ASB17: variants seen among roughly 807,000 people sequenced by gnomAD.
ASB17 encodes ankyrin repeat and SOCS box containing 17.
A neutral mutation model predicts 25.7 loss-of-function variants in ASB17; 26 were observed. The observed-to-expected ratio is 1.01, with a 90% CI of 0.74 to 1.40. ASB17 has a LOEUF of 1.40. Among genes scored for constraint, ASB17 ranks in the 40% most tolerant of loss-of-function variants. ASB17 has a pLI of 0.00. For missense variants in ASB17, 326 were observed against 338.5 expected (o/e 0.96, Z 0.29); for synonymous variants, 128 against 121.4 (o/e 1.05, Z -0.36).
chr1:75,928,710 A>G (rs1285044261), intron 1 of ASB17, among the ~76,000 whole-genome samples: 1 of 152,214 alleles, frequency 6.6e-6, no homozygotes, highest in Non-Finnish European at 1.5e-5. Context: ...GGAGAAATGC[A>G]AGACTTCAGT....
At chr1:75,930,352 A>G (rs1228052654) in intron 1 of ASB17, among the ~76,000 whole-genome samples, 1 of 143,484 alleles carries the variant, frequency 7.0e-6, no homozygotes, top group Non-Finnish European at 1.5e-5. Flanking sequence ...ATATGTAAAT[A>G]TAAATATAAA....
rs1653324293 is a variant in ASB17 at position 75,931,664 on chromosome 1, G to GTGCTTACATGT, written c.401+226_401+227insACATGTAAGCA. Among the ~76,000 whole-genome samples the GTGCTTACATGT allele has an allele frequency of 2.0e-5, 3 of 152,148 alleles. No homozygotes were observed. The East Asian group carries it at 5.8e-4, about 29-fold the overall frequency. ...TGTTTAGCACTAACATGTAAGCTGT[G>GTGCTTACATGT]TAGAGCAGAATCACTAATGATTTAT... On this transcript the variant is annotated intron_variant, in intron 1 of 2. Transcript: ENST00000284142.
At chr1:75,924,493 ACT>A (rs35518488) in intron 1 of ASB17, among the ~76,000 whole-genome samples, 67,789 of 151,540 alleles carry the variant, frequency 0.45, 16,510 homozygotes, top group East Asian at 0.96. Flanking sequence ...TTTTGTCATA[ACT>A]CTGTCACTGG....
chr1:75,929,318 G>C (rs1457273050), intron 1 of ASB17, among the ~76,000 whole-genome samples: 1 of 151,680 alleles, frequency 6.6e-6, no homozygotes, highest in Non-Finnish European at 1.5e-5. Context: ...TCTGCCTTCC[G>C]GGTTCACGCC....
At position 75,922,202 on chromosome 1, in the gene ASB17, G is replaced by C; in HGVS notation, c.559C>G (p.Leu187Val). The change falls in exon 2 of 3, where the codon CTC becomes GTC. Residue 187 changes from leucine (L) to valine (V), a missense_variant. Physicochemically the swap from Leu to Val is conservative, Grantham distance 32. Coordinates refer to ENST00000284142, the MANE Select transcript of ASB17 (RefSeq NM_080868.3). ...ATTACTCTTACTCTCGAAGGGTAGA[G>C]TACTATTGTTAAGACAATGTTGATA... ...NPINIVLTIVLYPSRVRVMVD... is the reference protein window; with the variant it reads ...NPINIVLTIVVYPSRVRVMVD... The C allele has an allele frequency of 6.2e-7, 1 of 1,613,874 alleles. No individual in the cohort carries two copies. The highest frequency in any genetic ancestry group is 8.5e-7 in the Non-Finnish European group (1 of 1,179,864).
At position 75,922,202 on chromosome 1, in the gene ASB17, G is replaced by A. The variant is rs1441697891; in HGVS notation, c.559C>T (p.Leu187Phe). ...NPINIVLTIV[L>F]YPSRVRVMVD... ...ATTACTCTTACTCTCGAAGGGTAGAGTACTATTGTTAAGACAATGTTGATA... is the reference window on the plus strand; with the variant it reads ...ATTACTCTTACTCTCGAAGGGTAGAATACTATTGTTAAGACAATGTTGATA... Residue 187 changes from leucine (L) to phenylalanine (F), a missense_variant, in exon 2 of 3, where the codon CTC becomes TTC. Coordinates refer to ENST00000284142, the MANE Select transcript of ASB17 (RefSeq NM_080868.3). The A allele has an allele frequency of 3.1e-6, 5 of 1,613,874 alleles. No individual in the cohort carries two copies. Among genetic ancestry groups the A allele is most frequent in the Non-Finnish European group, 4.2e-6 (5 of 1,179,864 alleles).
At chr1:75,924,786 T>C (rs539711990) in intron 1 of ASB17, among the ~76,000 whole-genome samples, 3 of 152,032 alleles carry the variant, frequency 2.0e-5, no homozygotes, top group Non-Finnish European at 4.4e-5. Flanking sequence ...TTTCTTTACT[T>C]TGTATATGTT....
chr1:75,928,927 T>C (rs1235288667), intron 1 of ASB17, among the ~76,000 whole-genome samples: 2 of 152,176 alleles, frequency 1.3e-5, no homozygotes, highest in East Asian at 1.9e-4. Context: ...AGTAAACTAC[T>C]GTAATGACTG....
At chr1:75,919,310 A>G in intron 2 of ASB17, 152 bp from the exon 3 acceptor site, 1 of 606,244 alleles carries the variant, frequency 1.6e-6, no homozygotes, top group Non-Finnish European at 2.7e-6. Context: ...TACTTGAGGC[A>G]AGTATTTTAT....
At chr1:75,919,325 AT>A (rs894463376) in intron 2 of ASB17, among the ~76,000 whole-genome samples, 167 bp from the exon 3 acceptor site, 5 of 151,698 alleles carry the variant, frequency 3.3e-5, no homozygotes, top group African/African-American at 9.7e-5. Context: ...TTTTATTCCC[AT>A]TTTTTTCCAC....
intron 2 of ASB17, among the ~76,000 whole-genome samples, chr1:75,920,561 A>T (rs944199613): frequency 2.6e-5 from 4 of 152,222 alleles, no homozygotes; most frequent in Admixed American, 6.5e-5. Flanking sequence ...ATGTGCTGCG[A>T]TAGGGAAAAC....
chr1:75,918,890 T>G lies in ASB17; in HGVS notation c.*62A>C. 1.5e-6 allele frequency: 2 copies of G among 1,351,382 alleles called. No homozygotes were observed. The allele number at this position is 1,351,382 out of a possible 1,614,324, so 83.7% of individuals were successfully genotyped here. A position where few individuals can be genotyped will look rare whatever the true frequency, so the allele number is the denominator to read the frequency against. On this transcript the variant is annotated 3_prime_UTR_variant, in exon 3 of 3. Transcript: ENST00000284142. ...ATAAAAACTTACATGAAGTGAATTT[T>G]TATTAACTTCTAAGCCATACATTGG...
At chr1:75,919,788 G>T (rs536520403) in intron 2 of ASB17, among the ~76,000 whole-genome samples, 7,982 of 152,064 alleles carry the variant, frequency 0.052, 359 homozygotes, top group African/African-American at 0.12. Context: ...GTCTATCATT[G>T]TTGGACATTT....
Position 75,932,009 on chromosome 1 carries a change from T to C in ASB17, c.283A>G (p.Asn95Asp). 6.2e-7 allele frequency: 1 copy of C among 1,614,162 alleles called. No homozygotes were observed. The highest frequency in any genetic ancestry group is 1.3e-5 in the African/African-American group (1 of 75,056). Reference sequence around the variant, plus strand: ...GCAAAAACCCAGTACAGAATTGTATTCACACATATTTCAGTGAAGTCGAGG... The same window carrying C: ...GCAAAAACCCAGTACAGAATTGTATCCACACATATTTCAGTGAAGTCGAGG... Reference protein sequence around the residue: ...FNLDFTEICVNTILYWVFARK... With the variant: ...FNLDFTEICVDTILYWVFARK... The change falls in exon 1 of 3, where the codon AAT becomes GAT. Residue 95 changes from asparagine to aspartate, a missense_variant. Transcript: ENST00000284142.
At chr1:75,919,757 G>A (rs1031024714) in intron 2 of ASB17, among the ~76,000 whole-genome samples, 10 of 152,126 alleles carry the variant, frequency 6.6e-5, no homozygotes, top group Non-Finnish European at 1.3e-4. Context: ...TGGTGTATAT[G>A]TGCCACATTT....
rs1052288510 is a variant in ASB17, at chr1:75,922,360, C to G, written c.402-1G>C. On this transcript the variant is annotated splice_acceptor_variant, in intron 1 of 2. Transcript: ENST00000284142. LOFTEE classifies it high-confidence loss of function. Reference sequence around the variant, plus strand: ...TGGACAGTATACTGGTGTGAAAGTTCTGTGAATTAAACAAAACAAAAACTC... The same window carrying G: ...TGGACAGTATACTGGTGTGAAAGTTGTGTGAATTAAACAAAACAAAAACTC... The G allele has an allele frequency of 1.9e-6, 3 of 1,561,474 alleles. No homozygotes were observed. Among genetic ancestry groups the G allele is most frequent in the Non-Finnish European group, 2.6e-6 (3 of 1,154,754 alleles).
chr1:75,931,602 C>T (rs575166707), intron 1 of ASB17, among the ~76,000 whole-genome samples: 5 of 152,232 alleles, frequency 3.3e-5, no homozygotes, highest in African/African-American at 9.6e-5. Flanking sequence ...CATAGTATTA[C>T]ACAACATAGT....
chr1:75,928,562 C>T (rs1472257139), intron 1 of ASB17, among the ~76,000 whole-genome samples: 2 of 151,966 alleles, frequency 1.3e-5, no homozygotes, highest in East Asian at 3.8e-4. Flanking sequence ...ATGATGTTGT[C>T]GAAGTAAAGA....
At chr1:75,928,063 G>T (rs1415758276) in intron 1 of ASB17, among the ~76,000 whole-genome samples, 1 of 152,128 alleles carries the variant, frequency 6.6e-6, no homozygotes, top group Non-Finnish European at 1.5e-5. Flanking sequence ...AAAGAAAGAA[G>T]AAACTCTTTG....
Sources: allele counts gnomAD v4.1 joint callset (sites outside exome capture counted in the v4.1 genomes callset), GRCh38; gene constraint gnomAD v4.1.1; transcripts MANE v1.5; gene names NCBI Gene and HGNC (gene_info 2026-07-23, HGNC 2026-07-21).